BPTF: variants seen among roughly 807,000 people sequenced by gnomAD.
BPTF encodes nucleosome-remodeling factor subunit BPTF.
BPTF carries 18 observed loss-of-function variants against 292.5 expected under a neutral mutation model. That is an observed-to-expected ratio of 0.06 (90% CI 0.04 to 0.09). The LOEUF (loss-of-function observed/expected upper bound fraction) is 0.09, where lower values mean the gene tolerates loss of function less well. BPTF is among the 10% of genes least tolerant of loss of function. The probability of loss-of-function intolerance (pLI) is 1.00; values close to 1 mark genes in which losing one functional copy is unlikely to be tolerated. For missense variants in BPTF, 2,726 were observed against 3,498.7 expected (o/e 0.78, Z 5.57); for synonymous variants, 1,225 against 1,251.9 (o/e 0.98, Z 0.45).
At chr17:67,880,119 A>G (rs371241758) in intron 4 of BPTF, among the ~76,000 whole-genome samples, 61 of 151,928 alleles carry the variant, frequency 4.0e-4, no homozygotes, top group African/African-American at 1.4e-3. Context: ...TATCTTTTTT[A>G]TATATATAGG....
chr17:67,885,429 T>C (rs955387567), intron 4 of BPTF, among the ~76,000 whole-genome samples: 37 of 151,980 alleles, frequency 2.4e-4, no homozygotes, highest in African/African-American at 8.5e-4. Context: ...ACCAAAAATA[T>C]AAAAGAATTA....
At chr17:67,899,337 G>A (rs916262467) in intron 7 of BPTF, among the ~76,000 whole-genome samples, 1 of 152,134 alleles carries the variant, frequency 6.6e-6, no homozygotes, top group African/African-American at 2.4e-5. Flanking sequence ...TACCTTGATT[G>A]TGGTGAGCCC....
rs1354856868 is a variant in BPTF, at chr17:67,893,632, A to G, written c.2318A>G (p.Lys773Arg). 7 of 1,611,818 alleles carry G rather than the reference A, an allele frequency of 4.3e-6. No individual in the cohort carries two copies. The highest frequency in any genetic ancestry group is 1.3e-5 in the African/African-American group (1 of 74,856). The change falls in exon 6 of 28, where the codon AAA (lysine) becomes AGA (arginine). Residue 773 changes from lysine (K) to arginine (R), a missense_variant. Physicochemically the swap from Lys to Arg is conservative, Grantham distance 26 (BLOSUM62 2). Coordinates refer to ENST00000306378, the MANE Select transcript of BPTF (RefSeq NM_182641.4). ...TGGAACGGTTCTGTCCATGGGTCCAAAGTTCTTACCATATCTACTCTGAGA... is the reference window on the plus strand; with the variant it reads ...TGGAACGGTTCTGTCCATGGGTCCAGAGTTCTTACCATATCTACTCTGAGA... ...FKWNGSVHGS[K>R]VLTISTLRLT...
chr17:67,922,338 T>A (rs1598676401), intron 13 of BPTF, among the ~76,000 whole-genome samples: 4 of 152,332 alleles, frequency 2.6e-5, no homozygotes, highest in African/African-American at 9.6e-5. Context: ...TTATCTATTC[T>A]TAGGTTTCAC....
chr17:67,881,236 T>G (rs952437461), intron 4 of BPTF, among the ~76,000 whole-genome samples: 1 of 152,136 alleles, frequency 6.6e-6, no homozygotes, highest in Non-Finnish European at 1.5e-5. Context: ...TGGGCAATAT[T>G]TGGGGAAAGA....
chr17:67,893,903 C>T, intron 6 of BPTF, 131 bp from the exon 7 acceptor site: 2 of 1,253,808 alleles, frequency 1.6e-6, no homozygotes, highest in Non-Finnish European at 2.2e-6. Flanking sequence ...ACACCACTAA[C>T]TATTTGGAGG....
At chr17:67,952,042 G>A (rs1189775819) in intron 23 of BPTF, among the ~76,000 whole-genome samples, 4 of 107,960 alleles carry the variant, frequency 3.7e-5, no homozygotes, top group Non-Finnish European at 7.1e-5. Context: ...GCGACAGAGT[G>A]AGACTCTGTC....
At chr17:67,928,324 G>T (rs757555219) in intron 15 of BPTF, 31 bp from the exon 16 acceptor site, 1 of 1,576,016 alleles carries the variant, frequency 6.3e-7, no homozygotes, top group Non-Finnish European at 8.6e-7. Context: ...GAACTATTTT[G>T]ATTCATGTTT....
chr17:67,854,370 G>A lies in BPTF; in HGVS notation c.1044G>A (p.Glu348=), dbSNP rs1487073500. ...ACCATCACGTTCTTCCTTACCAAGAGGCAGAGGACTACCCATATGGACCAG... is the reference window on the plus strand; with the variant it reads ...ACCATCACGTTCTTCCTTACCAAGAAGCAGAGGACTACCCATATGGACCAG... ...KEYHHVLPYQ[E]AEDYPYGPVE... The change falls in exon 2 of 28, where the codon GAG becomes GAA. Residue 348 remains glutamate, a synonymous_variant. Transcript: ENST00000306378. The surrounding 1 kb of genome is among the most constrained non-coding windows in gnomAD (Gnocchi z 5.6). 3 of 1,614,046 alleles carry A rather than the reference G, an allele frequency of 1.9e-6. No homozygotes were observed. Among genetic ancestry groups the A allele is most frequent in the African/African-American group, 1.3e-5 (1 of 74,906 alleles).
chr17:67,928,683 T>C (rs2064118496), intron 16 of BPTF, 82 bp downstream of exon 16: 6 of 1,453,512 alleles, frequency 4.1e-6, no homozygotes, highest in Non-Finnish European at 4.6e-6. Context: ...AATGAAACAT[T>C]TTTTTAGAAG....
At chr17:67,908,826 ATTTTTTTTTTT>A (rs34934455) in intron 9 of BPTF, among the ~76,000 whole-genome samples, 2 of 106,086 alleles carry the variant, frequency 1.9e-5, no homozygotes, top group African/African-American at 7.7e-5. Context: ...GTCACTGACA[ATTTTTTTTTTT>A]TTTTTTTTTT....
At chr17:67,970,094 G>A (rs1291002567) in intron 26 of BPTF, among the ~76,000 whole-genome samples, 7 of 151,996 alleles carry the variant, frequency 4.6e-5, no homozygotes, top group South Asian at 2.1e-4. Context: ...GTAGCCAGGC[G>A]TGGTGGCACA....
chr17:67,978,453 C>A (rs1473306803), intron 27 of BPTF, among the ~76,000 whole-genome samples: 5 of 152,054 alleles, frequency 3.3e-5, no homozygotes, highest in Non-Finnish European at 5.9e-5. Flanking sequence ...CAGCCACCAC[C>A]ATGCCCAGCT....
At position 67,946,303 on chromosome 17, in the gene BPTF, A is replaced by G; in HGVS notation, c.7595A>G (p.Gln2532Arg). 6 of 1,613,882 alleles carry G rather than the reference A, an allele frequency of 3.7e-6. No homozygotes were observed. Among genetic ancestry groups the G allele is most frequent in the Non-Finnish European group, 5.1e-6 (6 of 1,179,916 alleles). Reference sequence around the variant, plus strand: ...GAACACACCCTCCAAGCTTCTAATCAAAGTGAAATCATTCAGAAACAGGTA... The same window carrying G: ...GAACACACCCTCCAAGCTTCTAATCGAAGTGAAATCATTCAGAAACAGGTA... Reference protein sequence around the residue: ...KREHTLQASNQSEIIQKQVVM... With the variant: ...KREHTLQASNRSEIIQKQVVM... Residue 2532 changes from glutamine (Q) to arginine (R), a missense_variant, in exon 21 of 28, where the codon CAA becomes CGA. Transcript: ENST00000306378.
intron 2 of BPTF, among the ~76,000 whole-genome samples, chr17:67,858,368 G>A (rs909159623): frequency 6.6e-6 from 1 of 152,106 alleles, no homozygotes; most frequent in South Asian, 2.1e-4. Flanking sequence ...GTGGTAACAC[G>A]GAAACCTTTG....
At chr17:67,849,988 A>G (rs183341639) in intron 1 of BPTF, among the ~76,000 whole-genome samples, 34 of 152,290 alleles carry the variant, frequency 2.2e-4, no homozygotes, top group Non-Finnish European at 3.8e-4. Context: ...GGCCTATTGA[A>G]TCAGTGACAT....
At chr17:67,935,500 G>T (rs2064839068) in intron 18 of BPTF, among the ~76,000 whole-genome samples, 1 of 151,998 alleles carries the variant, frequency 6.6e-6, no homozygotes, top group South Asian at 2.1e-4. Flanking sequence ...AAACAGAAAA[G>T]ACCAAAAAAA....
rs559839778 is a variant in BPTF, at chr17:67,984,125, A to G, written c.*1837A>G. 1 of 152,712 alleles carries G rather than the reference A, an allele frequency of 6.5e-6. No homozygotes were observed. The highest frequency in any genetic ancestry group is 1.5e-5 in the Non-Finnish European group (1 of 68,034). 9.5% of individuals were successfully genotyped at this position (152,712 alleles called of 1,614,324 possible). On this transcript the variant is annotated 3_prime_UTR_variant, in exon 28 of 28. Transcript: ENST00000306378. ...ATATTGTATGCACTGTGCTGATGCA[A>G]GAATTCTACATTTTAATGAGTTATA... is the stretch of plus-strand genomic sequence containing the variant.
intron 4 of BPTF, among the ~76,000 whole-genome samples, chr17:67,890,280 C>G (rs1318973227): frequency 6.6e-6 from 1 of 152,122 alleles, no homozygotes; most frequent in Non-Finnish European, 1.5e-5. Flanking sequence ...ATTGTTGGAT[C>G]TAGGGAGCCA....
Sources: gnomAD v4.1 joint callset for allele counts (sites outside exome capture counted in the v4.1 genomes callset) on GRCh38, gnomAD v4.1.1 for gene constraint, Gnocchi (gnomAD v3.1) non-coding constraint, MANE v1.5 for transcripts, NCBI Gene and HGNC (gene_info 2026-07-23, HGNC 2026-07-21) for gene names.